The following SLC15A4 variants were observed in gnomAD, a reference collection of about 807,000 sequenced individuals.
SLC15A4 encodes hPHT1.
SLC15A4 carries 26 observed loss-of-function variants against 46.1 expected under a neutral mutation model. The observed-to-expected ratio is 0.56, with a 90% CI of 0.41 to 0.78. The LOEUF is 0.78. Ranked by LOEUF, SLC15A4 falls within the 30% of genes least tolerant of loss-of-function variation. The probability of loss-of-function intolerance (pLI) is 0.00; values close to 1 mark genes in which losing one functional copy is unlikely to be tolerated. For synonymous variants in SLC15A4, 370 were observed against 333.4 expected, an observed-to-expected ratio of 1.11 and a Z score of -1.20; for missense variants, 751 against 755.7, an observed-to-expected ratio of 0.99 and a Z score of 0.07.
chr12:128,796,109 AT>A (rs1955439116), intron 7 of SLC15A4, among the ~76,000 whole-genome samples: 2 of 152,176 alleles, frequency 1.3e-5, no homozygotes, highest in South Asian at 4.1e-4. Context: ...TCAACAGTGC[AT>A]TTATCAAATA....
rs774838182 is a variant in SLC15A4 at position 128,793,979 on chromosome 12, T to C, written c.*217A>G. The C allele has an allele frequency of 2.2e-5, 9 of 402,314 alleles. No homozygotes were observed. The highest frequency in any genetic ancestry group is 6.1e-5 in the African/African-American group (3 of 49,026). The allele number at this position is 402,314 out of a possible 1,614,324, so 24.9% of individuals were successfully genotyped here. On this transcript the variant is annotated 3_prime_UTR_variant, in exon 8 of 8. Coordinates refer to ENST00000266771, the MANE Select transcript of SLC15A4 (RefSeq NM_145648.4). ...AAGCGACATACTCGAAATCTGCAGC[T>C]CTCCTCCCGGAGGGCCCAGCGTGCC... is the stretch of plus-strand genomic sequence containing the variant.
chr12:128,797,342 C>T (rs888200991), intron 7 of SLC15A4, among the ~76,000 whole-genome samples: 6 of 152,082 alleles, frequency 3.9e-5, no homozygotes, highest in East Asian at 1.9e-4. Context: ...ACAGGACAGG[C>T]GAGGGTAACC....
At position 128,823,611 on chromosome 12, in the gene SLC15A4, C is replaced by A; in HGVS notation, c.333G>T (p.Ala111=). 1 of 1,464,940 alleles carries A rather than the reference C, an allele frequency of 6.8e-7. No homozygotes were observed. Among genetic ancestry groups the A allele is most frequent in the Non-Finnish European group, 9.0e-7 (1 of 1,113,944 alleles). 90.7% of individuals were successfully genotyped at this position (1,464,940 alleles called of 1,614,324 possible). ...AGGCCAGCATGCCCAGCAGGTAGAG[C>A]GCCAGGCTCAGCAGGATGGCGCGCG... ...GRARAILLSL[A]LYLLGMLAFP... is the part of the protein sequence containing the mutation. Residue 111 remains alanine (A), a synonymous_variant, in exon 1 of 8, where the codon GCG becomes GCT. Transcript: ENST00000266771.
rs1185275774 is a variant in SLC15A4 at position 128,794,215 on chromosome 12, G to A, written c.1715C>T (p.Pro572Leu). 1 of 1,612,736 alleles carries A rather than the reference G, an allele frequency of 6.2e-7. No homozygotes were observed. The highest frequency in any genetic ancestry group is 8.5e-7 in the Non-Finnish European group (1 of 1,179,220). Reference sequence around the variant, plus strand: ...GGAAGGTCAGGCCCTCCTGCTGGTGGGCACGCCATTGGCTCTTGATCGCTG... The same window carrying A: ...GGAAGGTCAGGCCCTCCTGCTGGTGAGCACGCCATTGGCTCTTGATCGCTG... ...DHQRSRANGV[P>L]TSRRA Residue 572 changes from proline (P) to leucine (L), a missense_variant, in exon 8 of 8, where the codon CCC becomes CTC. Pro to Leu is a moderately conservative substitution (Grantham distance 98). Transcript: ENST00000266771.
chr12:128,799,277 T>C lies in SLC15A4; in HGVS notation c.1555A>G (p.Ser519Gly). Residue 519 changes from serine to glycine, a missense_variant, in exon 7 of 8, where the codon AGC becomes GGC. Coordinates refer to ENST00000266771, the MANE Select transcript of SLC15A4 (RefSeq NM_145648.4). ...LVSIKAIGWM[S>G]SHTDFGNING... The stretch of plus-strand genomic sequence containing the variant: ...CTCTTACCAAAGTCTGTGTGACTGC[T>C]CATCCATCCGATGGCTTTGATAGAC... 6.2e-7 allele frequency: 1 copy of C among 1,614,130 alleles called. No individual in the cohort carries two copies. Among genetic ancestry groups the C allele is most frequent in the Non-Finnish European group, 8.5e-7 (1 of 1,180,018 alleles).
chr12:128,801,144 TC>T (rs954135586), intron 5 of SLC15A4, 135 bp from the exon 6 acceptor site: 3 of 818,216 alleles, frequency 3.7e-6, no homozygotes, highest in African/African-American at 3.5e-5. Context: ...AATCACAGCT[TC>T]CCCCAGGACT....
rs1172645521 is a variant in SLC15A4, at chr12:128,823,669, C to T, written c.275G>A (p.Gly92Glu). The T allele has an allele frequency of 6.7e-7, 1 of 1,498,328 alleles. No individual in the cohort carries two copies. The highest frequency in any genetic ancestry group is 2.1e-5 in the Admixed American group (1 of 46,786). The allele number at this position is 1,498,328 out of a possible 1,614,324, so 92.8% of individuals were successfully genotyped here. ...MGLTYLGSPFGGWLADARLGR... is the reference protein window; with the variant it reads ...MGLTYLGSPFEGWLADARLGR... ...CAGCCGCGCGTCGGCCAGCCAGCCTCCGAACGGCGAGCCCAGGTAGGTGAG... is the reference window on the plus strand; with the variant it reads ...CAGCCGCGCGTCGGCCAGCCAGCCTTCGAACGGCGAGCCCAGGTAGGTGAG... The change falls in exon 1 of 8, where the codon GGA becomes GAA. Residue 92 changes from glycine to glutamate, a missense_variant. By Grantham distance (98) the Gly-to-Glu change is moderately conservative. Transcript: ENST00000266771.
At position 128,814,971 on chromosome 12, in the gene SLC15A4, T is replaced by C; in HGVS notation, c.646A>G (p.Ile216Val). 6.2e-7 allele frequency: 1 copy of C among 1,614,186 alleles called. No individual in the cohort carries two copies. The highest frequency in any genetic ancestry group is 8.5e-7 in the Non-Finnish European group (1 of 1,180,048). ...GTGACAAAGCTGACGTTCTGCTGAA[T>C]ATAGGCAATGCCACCTAACGACAGG... The part of the protein sequence containing the change: ...AILSLGGIAY[I>V]QQNVSFVTGY... Residue 216 changes from isoleucine to valine, a missense_variant, in exon 2 of 8, where the codon ATT becomes GTT. By Grantham distance (29) the Ile-to-Val change is conservative. Transcript: ENST00000266771.
At chr12:128,817,465 G>A (rs1955772780) in intron 1 of SLC15A4, among the ~76,000 whole-genome samples, 1 of 152,132 alleles carries the variant, frequency 6.6e-6, no homozygotes, top group South Asian at 2.1e-4. Flanking sequence ...CTTAATAGAG[G>A]CACAAATGAT....
chr12:128,823,120 G>A (rs914597264), intron 1 of SLC15A4, among the ~76,000 whole-genome samples: 1 of 152,208 alleles, frequency 6.6e-6, no homozygotes, highest in Non-Finnish European at 1.5e-5. Context: ...TTACAGGCGT[G>A]AGCCACCGCG....
intron 5 of SLC15A4, among the ~76,000 whole-genome samples, chr12:128,805,443 ATAAAG>A (rs935271023): frequency 1.6e-4 from 25 of 152,230 alleles, no homozygotes; most frequent in East Asian, 7.7e-4. Context: ...CTGAAAATAC[ATAAAG>A]TAGTTACCAA....
chr12:128,793,604 G>A lies in SLC15A4; in HGVS notation c.*592C>T, dbSNP rs1029943107. 2 of 152,122 alleles carry A rather than the reference G, an allele frequency of 1.3e-5. No homozygotes were observed. The allele number at this position is 152,122 out of a possible 1,614,324, so 9.4% of individuals were successfully genotyped here. A position where few individuals can be genotyped will look rare whatever the true frequency, so the allele number is the denominator to read the frequency against. On this transcript the variant is annotated 3_prime_UTR_variant, in exon 8 of 8. Transcript: ENST00000266771. ...GTTTAAAAAGTAAGTACTTTTTGAA[G>A]CAGCAGATGAAATGTGTTTACTACC...
chr12:128,821,068 A>G (rs1484934), intron 1 of SLC15A4, among the ~76,000 whole-genome samples: 104,472 of 152,102 alleles, frequency 0.69, 36,362 homozygotes, highest in East Asian at 0.77. Flanking sequence ...GCTGGCTCCC[A>G]TTCACAAGGC....
At chr12:128,809,706 A>G in intron 3 of SLC15A4, 1 of 548,800 alleles carries the variant, frequency 1.8e-6, no homozygotes, top group Non-Finnish European at 3.2e-6. Context: ...TACATTAACA[A>G]GAGGGGCCTG....
chr12:128,799,888 C>A (rs760092698), intron 6 of SLC15A4, among the ~76,000 whole-genome samples: 1 of 152,176 alleles, frequency 6.6e-6, no homozygotes, highest in Non-Finnish European at 1.5e-5. Context: ...GTTGCCCAGG[C>A]TGGAGTGCAA....
chr12:128,799,340 C>T lies in SLC15A4; in HGVS notation c.1492G>A (p.Val498Ile), dbSNP rs766478288. ...AGTCCAGAACCCACGAACGACCCGA[C>T]GCCAGAGAAGAAAAAGAACAAGCCC... ...IMGLFFFFSGVGSFVGSGLLA... is the reference protein window; with the variant it reads ...IMGLFFFFSGIGSFVGSGLLA... The change falls in exon 7 of 8, where the codon GTC becomes ATC. Residue 498 changes from valine to isoleucine, a missense_variant. Coordinates refer to ENST00000266771, the MANE Select transcript of SLC15A4 (RefSeq NM_145648.4). 3.3e-5 allele frequency: 54 copies of T among 1,613,932 alleles called. No individual in the cohort carries two copies. Among genetic ancestry groups the T allele is most frequent in the South Asian group, 4.4e-5 (4 of 91,086 alleles).
chr12:128,799,073 C>T (rs541089091), intron 7 of SLC15A4, among the ~76,000 whole-genome samples, 186 bp downstream of exon 7: 1 of 152,110 alleles, frequency 6.6e-6, no homozygotes, highest in Non-Finnish European at 1.5e-5. Flanking sequence ...TCCTGAAAAC[C>T]GTTCATGATG....
rs1955731538 is a variant in SLC15A4 at position 128,815,021 on chromosome 12, TA to T, written c.595del (p.Tyr199IlefsTer12). 6.2e-7 allele frequency: 1 copy of T among 1,612,776 alleles called. No individual in the cohort carries two copies. Among genetic ancestry groups the T allele is most frequent in the South Asian group, 1.1e-5 (1 of 91,070 alleles). ...EATRRFFNWF[Y>X]WSINLGAILS... ...GATCGCTCCCAGGTTAATGCTCCAA[TA>T]AAACCAATTAAAAAATCTCCTAGTG... On this transcript the variant is annotated frameshift_variant, in exon 2 of 8. Transcript: ENST00000266771. LOFTEE classifies it high-confidence loss of function.
chr12:128,812,602 C>T (rs1210610757), intron 2 of SLC15A4, among the ~76,000 whole-genome samples: 7 of 152,190 alleles, frequency 4.6e-5, no homozygotes, highest in African/African-American at 1.7e-4. Context: ...GGGCTTGAGC[C>T]ACCACGCCCA....
Sources: gnomAD v4.1 joint callset for allele counts (sites outside exome capture counted in the v4.1 genomes callset) on GRCh38, gnomAD v4.1.1 for gene constraint, MANE v1.5 for transcripts, NCBI Gene and HGNC (gene_info 2026-07-23, HGNC 2026-07-21) for gene names.